The following KDM4B variants were observed in gnomAD, a reference collection of about 807,000 sequenced individuals.
KDM4B encodes the protein lysine-specific demethylase 4B.
KDM4B carries 32 observed loss-of-function variants against 125.2 expected under a neutral mutation model. The ratio of observed to expected loss-of-function variants is 0.26; its 90% CI spans 0.19 to 0.34. The LOEUF is 0.34. Among genes scored for constraint, KDM4B ranks in the 10% least tolerant of loss-of-function variants. The pLI, the probability that KDM4B is intolerant of heterozygous loss-of-function variation, is 1.00. For synonymous variants in KDM4B, 721 were observed against 677.9 expected, an observed-to-expected ratio of 1.06 and a Z score of -0.99; for missense variants, 1,190 against 1,577.7, an observed-to-expected ratio of 0.75 and a Z score of 4.16.
At chr19:5,046,015 G>A (rs1483686825) in intron 5 of KDM4B, among the ~76,000 whole-genome samples, 1 of 152,208 alleles carries the variant, frequency 6.6e-6, no homozygotes, top group Admixed American at 6.5e-5. Context: ...TTTTCTTTCT[G>A]ACTGGGGCTT....
intron 18 of KDM4B, among the ~76,000 whole-genome samples, chr19:5,138,688 C>T (rs542985515): frequency 1.3e-5 from 2 of 152,118 alleles, no homozygotes; most frequent in Non-Finnish European, 2.9e-5. Context: ...CAATGCTTAG[C>T]GTGAGATCTG....
intron 13 of KDM4B, 109 bp downstream of exon 13, chr19:5,132,116 C>A: frequency 7.5e-7 from 1 of 1,336,516 alleles, no homozygotes; most frequent in Non-Finnish European, 1.0e-6. Context: ...CTTCCTGGGT[C>A]TCCTCCCCTG....
At chr19:5,111,886 G>A (rs756188966) in intron 10 of KDM4B, 7 of 753,646 alleles carry the variant, frequency 9.3e-6, no homozygotes, top group Non-Finnish European at 1.7e-5. Context: ...TTTGTTTACA[G>A]ACCCTGAAAT....
intron 9 of KDM4B, among the ~76,000 whole-genome samples, chr19:5,090,840 G>A (rs181637222): frequency 8.3e-4 from 125 of 151,506 alleles, no homozygotes; most frequent in African/African-American, 2.9e-3. Context: ...TGGGGCATCT[G>A]GGAGCCCACA....
chr19:5,099,527 A>G (rs2038891429), intron 9 of KDM4B, among the ~76,000 whole-genome samples: 2 of 152,264 alleles, frequency 1.3e-5, no homozygotes, highest in Non-Finnish European at 2.9e-5. Context: ...AGGCCTTCCC[A>G]GAATGGGGGT....
chr19:5,088,500 G>A (rs2620796), intron 9 of KDM4B, among the ~76,000 whole-genome samples: 3 of 152,182 alleles, frequency 2.0e-5, no homozygotes, highest in Non-Finnish European at 2.9e-5. Flanking sequence ...AGGTCGATGG[G>A]GGGGAGGTTG....
chr19:5,146,285 G>C (rs571884575), intron 21 of KDM4B, among the ~76,000 whole-genome samples: 2 of 144,200 alleles, frequency 1.4e-5, no homozygotes, highest in African/African-American at 2.6e-5. Context: ...CACCACTCTC[G>C]ACCTGTCACT....
intron 6 of KDM4B, 120 bp downstream of exon 6, chr19:5,047,789 G>A (rs1599497609): frequency 2.2e-6 from 2 of 926,308 alleles, no homozygotes; most frequent in African/African-American, 1.7e-5. Flanking sequence ...CGCAAAGGTC[G>A]GCCTATGACG....
At chr19:5,042,952 G>A (rs1158999938) in intron 5 of KDM4B, among the ~76,000 whole-genome samples, 1 of 147,786 alleles carries the variant, frequency 6.8e-6, no homozygotes, top group Non-Finnish European at 1.5e-5. Context: ...TTTTGTGCAC[G>A]AAGCGAAGTT....
At chr19:4,982,225 G>C (rs2034665697) in intron 1 of KDM4B, among the ~76,000 whole-genome samples, 1 of 151,700 alleles carries the variant, frequency 6.6e-6, no homozygotes, top group African/African-American at 2.4e-5. Flanking sequence ...CTGGGAGATG[G>C]AGGCTGCAGT....
At chr19:5,017,151 C>T (rs143446078) in intron 2 of KDM4B, among the ~76,000 whole-genome samples, 150 of 152,256 alleles carry the variant, frequency 9.9e-4, no homozygotes, top group East Asian at 5.8e-3. Flanking sequence ...CTAATGAGGG[C>T]GAGTGTGGAC....
At position 5,131,534 on chromosome 19, in the gene KDM4B, G is replaced by A. The variant is rs371767203; in HGVS notation, c.1774G>A (p.Gly592Arg). 50 of 1,573,204 alleles carry A rather than the reference G, an allele frequency of 3.2e-5. No homozygotes were observed. The highest frequency in any genetic ancestry group is 3.6e-5 in the Non-Finnish European group (42 of 1,167,140). The change falls in exon 12 of 23, where the codon GGA (glycine) becomes AGA (arginine). Residue 592 changes from glycine to arginine, a missense_variant. By Grantham distance (125) the Gly-to-Arg change is moderately radical. Coordinates refer to ENST00000159111, the MANE Select transcript of KDM4B (RefSeq NM_015015.3). ...TCGCATGGAGACCAAAGCCCGGGCC[G>A]GAGAGGGGCAGGTGGGGTGGAGCGG... ...AGRMETKARAGEGQAPSTFSK... is the reference protein window; with the variant it reads ...AGRMETKARAREGQAPSTFSK...
chr19:5,122,680 C>A (rs543861021), intron 11 of KDM4B, among the ~76,000 whole-genome samples: 1 of 152,188 alleles, frequency 6.6e-6, no homozygotes, highest in South Asian at 2.1e-4. Context: ...CACTCGCCAC[C>A]CGTCACCGAC....
chr19:5,023,848 C>G (rs768664728), intron 2 of KDM4B, among the ~76,000 whole-genome samples: 1 of 143,462 alleles, frequency 7.0e-6, no homozygotes, highest in African/African-American at 2.6e-5. Flanking sequence ...ACTGCAGCCT[C>G]GATCTCCTGT....
chr19:5,028,179 G>A (rs1389686631), intron 2 of KDM4B, among the ~76,000 whole-genome samples: 4 of 152,012 alleles, frequency 2.6e-5, no homozygotes, highest in East Asian at 3.9e-4. Context: ...GTCTCCCTAC[G>A]TTGCCTAGGC....
chr19:5,041,969 T>G (rs2036834214), intron 5 of KDM4B, among the ~76,000 whole-genome samples: 1 of 152,226 alleles, frequency 6.6e-6, no homozygotes, highest in Non-Finnish European at 1.5e-5. Flanking sequence ...GGCGCCGGTT[T>G]ATGACACGGA....
chr19:5,121,051 G>A (rs1241900134), intron 11 of KDM4B, among the ~76,000 whole-genome samples: 1 of 152,214 alleles, frequency 6.6e-6, no homozygotes, highest in East Asian at 1.9e-4. Flanking sequence ...TTCAGCAGAT[G>A]TGAGGTCCCT....
chr19:5,001,807 C>T (rs2035395681), intron 1 of KDM4B, among the ~76,000 whole-genome samples: 1 of 152,064 alleles, frequency 6.6e-6, no homozygotes, highest in Non-Finnish European at 1.5e-5. Context: ...AATGATTGTT[C>T]CTGTAGTTAT....
intron 3 of KDM4B, among the ~76,000 whole-genome samples, chr19:5,033,240 G>C (rs1359146633): frequency 6.6e-6 from 1 of 152,222 alleles, no homozygotes; most frequent in Middle Eastern, 3.2e-3. Flanking sequence ...GTTGAGAAGT[G>C]GCCGGTGCAG....
Sources: gnomAD v4.1 joint callset for allele counts (sites outside exome capture counted in the v4.1 genomes callset) on GRCh38, gnomAD v4.1.1 for gene constraint, MANE v1.5 for transcripts, NCBI Gene and HGNC (gene_info 2026-07-23, HGNC 2026-07-21) for gene names.